Variants in MACROD2 observed in about 807,000 individuals in gnomAD.
The protein encoded by MACROD2 is mono-ADP ribosylhydrolase 2, also known as ADP-ribose glycohydrolase MACROD2.
MACROD2 carries 36 observed loss-of-function variants against 70.4 expected under a neutral mutation model. The ratio of observed to expected loss-of-function variants is 0.51; its 90% CI spans 0.39 to 0.68. MACROD2 has a LOEUF of 0.68. MACROD2 is among the 30% of genes least tolerant of loss of function. The pLI, the probability that MACROD2 is intolerant of heterozygous loss-of-function variation, is 0.00. For missense variants in MACROD2, 496 were observed against 538.4 expected, an observed-to-expected ratio of 0.92 and a Z score of 0.78; for synonymous variants, 172 against 178.8, an observed-to-expected ratio of 0.96 and a Z score of 0.30.
rs150430152 is a variant in MACROD2 at position 14,961,335 on chromosome 20, G to T, written c.419-268605G>T. Among the ~76,000 whole-genome samples, 472 of 152,164 alleles carry T rather than the reference G, an allele frequency of 3.1e-3. 4 individuals are homozygous for T. Among genetic ancestry groups the T allele is most frequent in the African/African-American group, 0.011 (452 of 41,510 alleles). ...CAGACTGAAGAAATTGAGAACCAGG[G>T]TGATTATTTTCAGGAATTATAGAAT... On this transcript the variant is annotated intron_variant, in intron 5 of 17. Coordinates refer to ENST00000684519, the MANE Select transcript of MACROD2 (RefSeq NM_001351661.2).
intron 7 of MACROD2, among the ~76,000 whole-genome samples, chr20:15,467,524 G>A (rs1421819719): frequency 6.6e-6 from 1 of 152,060 alleles, no homozygotes; most frequent in East Asian, 1.9e-4. Context: ...GGATTCAGGA[G>A]GTTATTTTTT....
intron 7 of MACROD2, among the ~76,000 whole-genome samples, chr20:15,465,449 C>G (rs1037525244): frequency 6.6e-6 from 1 of 152,252 alleles, no homozygotes; most frequent in South Asian, 2.1e-4. Context: ...CTGGCTTCAG[C>G]AAGGTTCTGG....
chr20:14,579,561 T>C (rs570492941), intron 4 of MACROD2, among the ~76,000 whole-genome samples: 1 of 152,256 alleles, frequency 6.6e-6, no homozygotes, highest in South Asian at 2.1e-4. Context: ...CGTTTCGATA[T>C]TTGAGTAATA....
intron 8 of MACROD2, among the ~76,000 whole-genome samples, chr20:15,802,273 C>G (rs747857853): frequency 2.0e-5 from 3 of 152,068 alleles, no homozygotes; most frequent in Non-Finnish European, 2.9e-5. Flanking sequence ...TCCTATTGTT[C>G]TAGTTATTTC....
At chr20:15,270,725 A>G (rs957917655) in intron 6 of MACROD2, among the ~76,000 whole-genome samples, 5 of 152,138 alleles carry the variant, frequency 3.3e-5, no homozygotes, top group South Asian at 2.1e-4. Flanking sequence ...CTCGTGCTTG[A>G]TCTTTATGTA....
chr20:14,410,424 C>G (rs568409138), intron 3 of MACROD2, among the ~76,000 whole-genome samples: 1 of 152,090 alleles, frequency 6.6e-6, no homozygotes, highest in South Asian at 2.1e-4. Flanking sequence ...CTGTTCTTGT[C>G]TTTCTATGTG....
intron 5 of MACROD2, among the ~76,000 whole-genome samples, chr20:14,737,862 T>G (rs1384923020): frequency 6.6e-6 from 1 of 152,238 alleles, no homozygotes; most frequent in African/African-American, 2.4e-5. Context: ...CTTTGTCAGA[T>G]GGATAGATAG....
rs544494721 is a variant in MACROD2, at chr20:15,375,675, GA to G, written c.541-55722del. 1.6e-3 allele frequency among the ~76,000 whole-genome samples: 246 copies of G among 151,962 alleles called. 2 individuals carry two copies. Among genetic ancestry groups the G allele is most frequent in the African/African-American group, 5.2e-3 (217 of 41,488 alleles). On this transcript the variant is annotated intron_variant, in intron 6 of 17. Coordinates refer to ENST00000684519, the MANE Select transcript of MACROD2 (RefSeq NM_001351661.2). Reference sequence around the variant, plus strand: ...CATTTGTTTCTGTATTTTGTTAAAAGAAAAAAAATCTGACTTGCATGCTTAT... The same window carrying G: ...CATTTGTTTCTGTATTTTGTTAAAAGAAAAAAATCTGACTTGCATGCTTAT...
At chr20:15,069,167 G>T (rs1057139441) in intron 5 of MACROD2, among the ~76,000 whole-genome samples, 4 of 152,134 alleles carry the variant, frequency 2.6e-5, no homozygotes, top group Non-Finnish European at 5.9e-5. Context: ...TGATGACTTA[G>T]GATATTTGGA....
intron 3 of MACROD2, among the ~76,000 whole-genome samples, chr20:14,487,315 T>A (rs1190428652): frequency 6.6e-6 from 1 of 151,906 alleles, no homozygotes; most frequent in Non-Finnish European, 1.5e-5. Flanking sequence ...ACCAATATGG[T>A]CACATGAATG....
intron 7 of MACROD2, among the ~76,000 whole-genome samples, chr20:15,494,760 T>TGC (rs781173306): frequency 9.1e-5 from 8 of 88,246 alleles, no homozygotes; most frequent in African/African-American, 3.9e-4. Flanking sequence ...TGTGTGTGTG[T>TGC]GTGCGCGTGT....
intron 3 of MACROD2, among the ~76,000 whole-genome samples, chr20:14,099,696 A>G (rs1472323435): frequency 2.6e-5 from 4 of 152,172 alleles, no homozygotes; most frequent in African/African-American, 7.2e-5. Context: ...TGTTGGATCT[A>G]TATCTGGGAT....
intron 3 of MACROD2, among the ~76,000 whole-genome samples, chr20:14,089,501 T>C (rs959197454): frequency 1.3e-5 from 2 of 152,240 alleles, no homozygotes; most frequent in African/African-American, 4.8e-5. Flanking sequence ...TCTTAGTTGC[T>C]ATGAATGAAA....
chr20:14,025,027 A>G (rs1439801417), intron 2 of MACROD2, among the ~76,000 whole-genome samples: 1 of 152,128 alleles, frequency 6.6e-6, no homozygotes, highest in Non-Finnish European at 1.5e-5. Flanking sequence ...GTAGGCTATT[A>G]ATTACTGCCT....
chr20:15,668,715 T>A (rs12329490), intron 8 of MACROD2, among the ~76,000 whole-genome samples: 7 of 152,350 alleles, frequency 4.6e-5, no homozygotes, highest in African/African-American at 1.7e-4. Context: ...ATACATTTTC[T>A]CCCTCGTTTT....
At chr20:14,373,303 T>G (rs985829451) in intron 3 of MACROD2, among the ~76,000 whole-genome samples, 4 of 152,190 alleles carry the variant, frequency 2.6e-5, no homozygotes, top group Non-Finnish European at 5.9e-5. Flanking sequence ...TTAATTTCCC[T>G]CCTATTTTTA....
intron 4 of MACROD2, chr20:14,628,563 T>G (rs1036197561): frequency 1.3e-5 from 2 of 152,168 alleles, no homozygotes; most frequent in African/African-American, 4.8e-5. Flanking sequence ...TGGTGGTAAG[T>G]GTGTTTGTAT....
At chr20:14,671,747 C>T (rs1330322371) in intron 4 of MACROD2, among the ~76,000 whole-genome samples, 1 of 152,184 alleles carries the variant, frequency 6.6e-6, no homozygotes, top group East Asian at 1.9e-4. Flanking sequence ...TTTTTTAAGT[C>T]AGCCCAAGGC....
At chr20:14,590,584 T>C (rs539491756) in intron 4 of MACROD2, among the ~76,000 whole-genome samples, 46 of 152,282 alleles carry the variant, frequency 3.0e-4, no homozygotes, top group Middle Eastern at 6.8e-3. Context: ...ATTTTACTCA[T>C]TTGTCTGTTA....
Sources: allele counts gnomAD v4.1 joint callset (sites outside exome capture counted in the v4.1 genomes callset), GRCh38; gene constraint gnomAD v4.1.1; transcripts MANE v1.5; gene names NCBI Gene and HGNC (gene_info 2026-07-23, HGNC 2026-07-21).